The following AJAP1 variants were observed in gnomAD, a reference collection of about 807,000 sequenced individuals.
AJAP1 encodes the protein adherens junctions associated protein 1, also known as adherens junction-associated protein 1.
Under a neutral mutation model 35.0 loss-of-function variants are expected in AJAP1, and 5 were observed. That is an observed-to-expected ratio of 0.14 (90% confidence interval 0.07 to 0.30). The LOEUF (loss-of-function observed/expected upper bound fraction) is 0.30, where lower values mean the gene tolerates loss of function less well. Ranked by LOEUF, AJAP1 falls within the 10% of genes least tolerant of loss-of-function variation. The probability of loss-of-function intolerance (pLI) is 1.00; values close to 1 mark genes in which losing one functional copy is unlikely to be tolerated. For missense variants in AJAP1, 586 were observed against 571.0 expected (o/e 1.03, Z -0.27); for synonymous variants, 284 against 249.3 (o/e 1.14, Z -1.31).
intron 2 of AJAP1, among the ~76,000 whole-genome samples, chr1:4,729,281 C>T (rs1640745546): frequency 6.6e-6 from 1 of 152,084 alleles, no homozygotes; most frequent in Non-Finnish European, 1.5e-5. Flanking sequence ...AGGGCAGGGC[C>T]CGAGTCTCGA....
At chr1:4,740,799 A>T (rs1003867783) in intron 2 of AJAP1, among the ~76,000 whole-genome samples, 2 of 148,828 alleles carry the variant, frequency 1.3e-5, no homozygotes, top group African/African-American at 4.9e-5. Flanking sequence ...AAAAAAAAAA[A>T]AAAAAAGCGG....
chr1:4,719,506 C>T (rs543037209), intron 2 of AJAP1, among the ~76,000 whole-genome samples: 14 of 152,044 alleles, frequency 9.2e-5, no homozygotes, highest in Middle Eastern at 3.4e-3. Flanking sequence ...TTCTTGGAGC[C>T]GAGCCCTGGG....
At chr1:4,680,580 A>G (rs557047699) in intron 1 of AJAP1, among the ~76,000 whole-genome samples, 24 of 152,292 alleles carry the variant, frequency 1.6e-4, no homozygotes, top group Admixed American at 6.5e-5. Context: ...ATGTTTGTGA[A>G]TGAATGACCA....
chr1:4,706,236 T>C (rs146928365), intron 1 of AJAP1, among the ~76,000 whole-genome samples: 2 of 152,258 alleles, frequency 1.3e-5, no homozygotes, highest in East Asian at 1.9e-4. Flanking sequence ...AGAACAAATA[T>C]GTCTGTGTCT....
In AJAP1 at chr1:4,734,074, A is replaced by AG. The variant is rs1157829441; in HGVS notation, c.829+21377dup. On this transcript the variant is annotated intron_variant, in intron 2 of 5. Transcript: ENST00000378191. The surrounding 1 kb of genome is among the most constrained non-coding windows in gnomAD (Gnocchi z 4.3). ...ACCGAGTATTGACTTGGCTCAGCCC[A>AG]GGAAAAGCGAGAGCGATTTGCAAAA... 2.0e-5 allele frequency among the ~76,000 whole-genome samples: 3 copies of AG among 152,224 alleles called. No homozygotes were observed. The highest frequency in any genetic ancestry group is 2.9e-5 in the Non-Finnish European group (2 of 68,036).
chr1:4,663,856 T>C (rs893950090), intron 1 of AJAP1, among the ~76,000 whole-genome samples: 3 of 152,156 alleles, frequency 2.0e-5, no homozygotes, highest in African/African-American at 4.8e-5. Flanking sequence ...CGTGTCTGCA[T>C]AGGACATGGG....
chr1:4,772,644 T>C, intron 4 of AJAP1, 119 bp downstream of exon 4: 3 of 1,434,360 alleles, frequency 2.1e-6, no homozygotes, highest in Non-Finnish European at 2.8e-6. Context: ...TGAGGTCGCT[T>C]TGAGGGGCCC....
At chr1:4,664,147 C>T (rs148516148) in intron 1 of AJAP1, among the ~76,000 whole-genome samples, 33 of 152,284 alleles carry the variant, frequency 2.2e-4, no homozygotes, top group Non-Finnish European at 4.0e-4. Flanking sequence ...CCCCAGGCCA[C>T]ACAGCAAGTA....
chr1:4,770,084 ACCGTCCAGCGCTG>A (rs1299372896), intron 3 of AJAP1, 144 bp downstream of exon 3: 1 of 739,242 alleles, frequency 1.4e-6, no homozygotes, highest in African/African-American at 1.7e-5. Context: ...CAGGCTGCTC[ACCGTCCAGCGCTG>A]CCCTTTGGCC....
At chr1:4,748,251 A>G (rs548973970) in intron 2 of AJAP1, among the ~76,000 whole-genome samples, 1 of 151,952 alleles carries the variant, frequency 6.6e-6, no homozygotes, top group African/African-American at 2.4e-5. Flanking sequence ...GTCCCATCTC[A>G]GCGCTTCTGC....
At position 4,782,293 on chromosome 1, in the gene AJAP1, C is replaced by G. The variant is rs1642079128; in HGVS notation, c.*60-252C>G. ...CAGAGCTCTGTAGATGACCAGAATT[C>G]CACAAGGTTCAGGCTCCCACTTCAT... is the stretch of plus-strand genomic sequence containing the variant. On this transcript the variant is annotated intron_variant, in intron 5 of 5. Transcript: ENST00000378191. This position sits in a 1 kb window ranked among gnomAD's most constrained non-coding sequence, Gnocchi z 5.3. Among the ~76,000 whole-genome samples, 1 of 152,150 alleles carries G rather than the reference C, an allele frequency of 6.6e-6. No individual in the cohort carries two copies. Among genetic ancestry groups the G allele is most frequent in the Non-Finnish European group, 1.5e-5 (1 of 68,026 alleles).
intron 2 of AJAP1, among the ~76,000 whole-genome samples, chr1:4,731,900 C>T (rs535609272): frequency 6.6e-6 from 1 of 152,362 alleles, no homozygotes; most frequent in Non-Finnish European, 1.5e-5. Context: ...AGGGGCTGGG[C>T]GTCACCTGTA....
At chr1:4,727,098 G>C (rs76848527) in intron 2 of AJAP1, among the ~76,000 whole-genome samples, 1 of 152,224 alleles carries the variant, frequency 6.6e-6, no homozygotes, top group South Asian at 2.1e-4. Context: ...CATCTGTTCC[G>C]CCGTGAGTCA....
chr1:4,738,852 G>A (rs1284389153), intron 2 of AJAP1, among the ~76,000 whole-genome samples: 2 of 152,170 alleles, frequency 1.3e-5, no homozygotes, highest in Non-Finnish European at 1.5e-5. Flanking sequence ...CTTCCATGAA[G>A]GGAGGCCCCA....
chr1:4,696,894 G>A (rs1639873647), intron 1 of AJAP1, among the ~76,000 whole-genome samples: 1 of 151,950 alleles, frequency 6.6e-6, no homozygotes, highest in Non-Finnish European at 1.5e-5. Flanking sequence ...TTCCATGTGT[G>A]CATATGACTG....
rs570330926 is a variant in AJAP1 at position 4,787,838 on chromosome 1, A to G, written c.*5353A>G. 6.2e-5 allele frequency: 28 copies of G among 450,672 alleles called. No individual in the cohort carries two copies. In the Admixed American group the frequency reaches 6.4e-4, roughly 10 times the overall value. 27.9% of individuals were successfully genotyped at this position (450,672 alleles called of 1,614,324 possible). A position where few individuals can be genotyped will look rare whatever the true frequency, so the allele number is the denominator to read the frequency against. Reference sequence around the variant, plus strand: ...CTTCTTGGTGCCAGAAGGCAGCTGCATCTCCAGAAGCTCCCCCAGCACTGA... The same window carrying G: ...CTTCTTGGTGCCAGAAGGCAGCTGCGTCTCCAGAAGCTCCCCCAGCACTGA... On this transcript the variant is annotated 3_prime_UTR_variant, in exon 6 of 6. Transcript: ENST00000378191.
chr1:4,779,004 A>C (rs988691285), intron 5 of AJAP1, among the ~76,000 whole-genome samples: 1 of 152,222 alleles, frequency 6.6e-6, no homozygotes, highest in Non-Finnish European at 1.5e-5. Context: ...TGCTGCCAGC[A>C]GGGGATGCCT....
At chr1:4,740,696 G>A (rs1641045417) in intron 2 of AJAP1, among the ~76,000 whole-genome samples, 1 of 143,444 alleles carries the variant, frequency 7.0e-6, no homozygotes, top group Non-Finnish European at 1.5e-5. Context: ...TGAGGCAGGA[G>A]AATGGCGGGA....
intron 2 of AJAP1, among the ~76,000 whole-genome samples, chr1:4,754,455 G>A (rs1641384117): frequency 6.6e-6 from 1 of 152,180 alleles, no homozygotes. Flanking sequence ...TTGGGACTAT[G>A]TGGAGAGAAA....
Sources: gnomAD v4.1 joint callset for allele counts (sites outside exome capture counted in the v4.1 genomes callset) on GRCh38, gnomAD v4.1.1 for gene constraint, Gnocchi (gnomAD v3.1) non-coding constraint, MANE v1.5 for transcripts, NCBI Gene and HGNC (gene_info 2026-07-23, HGNC 2026-07-21) for gene names.